FUCA1: variants seen among roughly 807,000 people sequenced by gnomAD.
FUCA1 encodes tissue alpha-L-fucosidase.
In FUCA1, 52 loss-of-function variants were observed where a neutral mutation model predicts 56.8. The ratio of observed to expected loss-of-function variants is 0.92; its 90% CI spans 0.73 to 1.15. FUCA1 has a LOEUF of 1.15. Among genes scored for constraint, FUCA1 ranks in the 50% most tolerant of loss-of-function variants. The pLI, the probability that FUCA1 is intolerant of heterozygous loss-of-function variation, is 0.00. For missense variants in FUCA1, 568 were observed against 592.6 expected, an observed-to-expected ratio of 0.96 and a Z score of 0.43; for synonymous variants, 230 against 226.6, an observed-to-expected ratio of 1.02 and a Z score of -0.14.
Position 23,868,084 on chromosome 1 carries a change from G to A in FUCA1, c.203C>T (p.Ser68Leu). ...CCACTCGCTGCCCCAGGCGGGCACC[G>A]AGAACACGCCCCAGTGGATGAACAC... Reference protein sequence around the residue: ...FGVFIHWGVFSVPAWGSEWFW... With the variant: ...FGVFIHWGVFLVPAWGSEWFW... The change falls in exon 1 of 8, where the codon TCG becomes TTG. Residue 68 changes from serine to leucine, a missense_variant. By Grantham distance (145) the Ser-to-Leu change is moderately radical. Coordinates refer to ENST00000374479, the MANE Select transcript of FUCA1 (RefSeq NM_000147.5). 1 of 1,611,704 alleles carries A rather than the reference G, an allele frequency of 6.2e-7. No individual in the cohort carries two copies. The highest frequency in any genetic ancestry group is 8.5e-7 in the Non-Finnish European group (1 of 1,179,552).
intron 3 of FUCA1, among the ~76,000 whole-genome samples, chr1:23,862,000 AACCAAGAT>A (rs1570686885): frequency 1.3e-5 from 2 of 152,224 alleles, no homozygotes; most frequent in East Asian, 3.8e-4. Flanking sequence ...CAGATAGAGA[AACCAAGAT>A]CTCGAAAGAT....
intron 6 of FUCA1, among the ~76,000 whole-genome samples, chr1:23,846,650 T>A (rs938927150): frequency 1.3e-5 from 2 of 152,016 alleles, no homozygotes; most frequent in African/African-American, 4.8e-5. Flanking sequence ...GGCGTGATCT[T>A]GGCTCACTAC....
rs1312967689 is a variant in FUCA1, at chr1:23,867,951, C to T, written c.336G>A (p.Ala112=). Residue 112 remains alanine, a synonymous_variant, in exon 1 of 8, where the codon GCG becomes GCA. Transcript: ENST00000374479. The surrounding 1 kb of genome is among the most constrained non-coding windows in gnomAD (Gnocchi z 4.9). ...SYADFGPQFT[A]RFFHPEEWAD... is the part of the protein sequence containing the mutation. ...CCCACTCCTCCGGGTGGAAGAAGCG[C>T]GCAGTGAACTGCGGTCCGAAGTCGG... 8 of 1,577,092 alleles carry T rather than the reference C, an allele frequency of 5.1e-6. No homozygotes were observed. The highest frequency in any genetic ancestry group is 6.9e-6 in the Non-Finnish European group (8 of 1,162,454).
chr1:23,845,837 G>A lies in FUCA1; in HGVS notation c.1279C>T (p.Gln427Ter), dbSNP rs118204450. The change falls in exon 8 of 8, where the codon CAA becomes TAA. Residue 427 changes from glutamine (Q) to a stop codon, truncating the protein, a stop_gained. Transcript: ENST00000374479. LOFTEE classifies it low-confidence loss of function (END_TRUNC). ...STTKITMLGI[Q>*]GDLKWSTDPD... ...TCTGTGGACCACTTCAGATCTCCTT[G>A]AATTCCCAGCATTGTTATCTGCAGA... The A allele has an allele frequency of 2.2e-5, 36 of 1,614,010 alleles. No individual in the cohort carries two copies. Among genetic ancestry groups the A allele is most frequent in the Non-Finnish European group, 2.7e-5 (32 of 1,180,002 alleles).
At chr1:23,860,717 C>A (rs1429179437) in intron 3 of FUCA1, among the ~76,000 whole-genome samples, 6 of 150,946 alleles carry the variant, frequency 4.0e-5, no homozygotes, top group Admixed American at 4.0e-4. Flanking sequence ...CGGCTCACTG[C>A]AACCTTCACC....
chr1:23,857,029 TC>T, intron 4 of FUCA1, among the ~76,000 whole-genome samples: 1 of 151,802 alleles, frequency 6.6e-6, no homozygotes, highest in Non-Finnish European at 1.5e-5. Context: ...CCAAAAAAGT[TC>T]AGGCTGTCTA....
rs1434940684 is a variant in FUCA1, at chr1:23,868,040, C to G, written c.247G>C (p.Gly83Arg). 1 of 1,610,824 alleles carries G rather than the reference C, an allele frequency of 6.2e-7. No individual in the cohort carries two copies. Among genetic ancestry groups the G allele is most frequent in the Non-Finnish European group, 8.5e-7 (1 of 1,179,332 alleles). The change falls in exon 1 of 8, where the codon GGC (glycine) becomes CGC (arginine). Residue 83 changes from glycine to arginine, a missense_variant. Transcript: ENST00000374479. ...GSEWFWWHWQGEGRPQYQRFM... is the reference protein window; with the variant it reads ...GSEWFWWHWQREGRPQYQRFM... ...CGCTGGTACTGCGGCCGCCCCTCGC[C>G]CTGCCAGTGCCACCAGAACCACTCG...
chr1:23,851,605 A>C (rs1272957395), intron 5 of FUCA1, among the ~76,000 whole-genome samples: 1 of 152,164 alleles, frequency 6.6e-6, no homozygotes, highest in Non-Finnish European at 1.5e-5. Flanking sequence ...GCCATAAAAG[A>C]GAATGTGTCC....
chr1:23,849,906 G>A (rs1158964430), intron 5 of FUCA1, among the ~76,000 whole-genome samples: 3 of 152,118 alleles, frequency 2.0e-5, no homozygotes, highest in Non-Finnish European at 4.4e-5. Flanking sequence ...TAAGACTTCT[G>A]GAGTGGGATT....
intron 5 of FUCA1, among the ~76,000 whole-genome samples, chr1:23,851,776 A>G (rs2148440588): frequency 6.6e-6 from 1 of 152,014 alleles, no homozygotes; most frequent in South Asian, 2.1e-4. Flanking sequence ...CAAACACCAC[A>G]TGTTCTCACT....
At chr1:23,862,742 G>A (rs1453852725) in intron 3 of FUCA1, among the ~76,000 whole-genome samples, 2 of 152,202 alleles carry the variant, frequency 1.3e-5, no homozygotes, top group Non-Finnish European at 2.9e-5. Flanking sequence ...TTTACAGAGT[G>A]AGAATCAAGC....
In FUCA1 at chr1:23,848,850, C is replaced by G; in HGVS notation, c.970-11G>C. 2 of 1,612,498 alleles carry G rather than the reference C, an allele frequency of 1.2e-6. No homozygotes were observed. Among genetic ancestry groups the G allele is most frequent in the East Asian group, 2.2e-5 (1 of 44,874 alleles). On this transcript the variant is annotated splice_polypyrimidine_tract_variant and intron_variant, in intron 5 of 7. Transcript: ENST00000374479. ...TGTCTGAACCAGTTCCTGGAGAGAA[C>G]AGAAACAATGAAAGTCTAGCTATGA...
intron 5 of FUCA1, among the ~76,000 whole-genome samples, chr1:23,851,821 A>G (rs1639264730): frequency 6.6e-6 from 1 of 151,362 alleles, no homozygotes; most frequent in African/African-American, 2.4e-5. Context: ...AACACATGGG[A>G]CACAGGAAGA....
At chr1:23,850,207 G>GCGGGAGGCTGAGGCAAGAGAAT (rs1639227169) in intron 5 of FUCA1, among the ~76,000 whole-genome samples, 1 of 151,068 alleles carries the variant, frequency 6.6e-6, no homozygotes, top group African/African-American at 2.4e-5. Context: ...TCCCAGCTAT[G>GCGGGAGGCTGAGGCAAGAGAAT]CGGGAGGCTG....
In FUCA1 at chr1:23,852,507, G is replaced by T. The variant is rs556638159; in HGVS notation, c.969+1853C>A. Among the ~76,000 whole-genome samples the T allele has an allele frequency of 5.8e-3, 844 of 144,726 alleles. 2 individuals carry two copies. The highest frequency in any genetic ancestry group is 0.014 in the Middle Eastern group (4 of 282). The allele number at this position is 144,726 out of a possible 152,430, so 94.9% of individuals were successfully genotyped here. A position where few individuals can be genotyped will look rare whatever the true frequency, so the allele number is the denominator to read the frequency against. On this transcript the variant is annotated intron_variant, in intron 5 of 7. Coordinates refer to ENST00000374479, the MANE Select transcript of FUCA1 (RefSeq NM_000147.5). ...GGTCTCCCTCTCCCTCTCTTTCCAC[G>T]GTCTCCCACTGATGCCGAGCCGAAG...
At position 23,848,778 on chromosome 1, in the gene FUCA1, T is replaced by G. The variant is rs367783196; in HGVS notation, c.1031A>C (p.Asp344Ala). The change falls in exon 6 of 8, where the codon GAT becomes GCT. Residue 344 changes from aspartate (D) to alanine (A), a missense_variant. Coordinates refer to ENST00000374479, the MANE Select transcript of FUCA1 (RefSeq NM_000147.5). ...NYLLNIGPTK[D>A]GLIVPIFQER... Reference sequence around the variant, plus strand: ...TTGGAAGATGGGAACAATCAGTCCATCTTTAGTTGGTCCAATGTTCAGAAG... The same window carrying G: ...TTGGAAGATGGGAACAATCAGTCCAGCTTTAGTTGGTCCAATGTTCAGAAG... The G allele has an allele frequency of 1.2e-6, 2 of 1,614,196 alleles. No individual in the cohort carries two copies. Among genetic ancestry groups the G allele is most frequent in the Non-Finnish European group, 1.7e-6 (2 of 1,180,028 alleles).
At chr1:23,863,785 G>A (rs1014106996) in intron 2 of FUCA1, among the ~76,000 whole-genome samples, 3 of 152,290 alleles carry the variant, frequency 2.0e-5, no homozygotes, top group African/African-American at 7.2e-5. Flanking sequence ...CCAGGAGGTA[G>A]AGATTGCAGT....
At chr1:23,845,945 G>T in intron 7 of FUCA1, 90 bp from the exon 8 acceptor site, 1 of 1,557,432 alleles carries the variant, frequency 6.4e-7, no homozygotes, top group East Asian at 2.2e-5. Flanking sequence ...AGCCACGCTG[G>T]GCCAGGGCAG....
intron 6 of FUCA1, among the ~76,000 whole-genome samples, chr1:23,848,270 T>C (rs1237567542): frequency 6.6e-6 from 1 of 152,032 alleles, no homozygotes; most frequent in Non-Finnish European, 1.5e-5. Context: ...CATTCTGCAG[T>C]GGAAAAAATG....
Sources: allele counts gnomAD v4.1 joint callset (sites outside exome capture counted in the v4.1 genomes callset), GRCh38; gene constraint gnomAD v4.1.1; non-coding constraint Gnocchi (gnomAD v3.1); transcripts MANE v1.5; gene names NCBI Gene and HGNC (gene_info 2026-07-23, HGNC 2026-07-21).